Variants in ARHGEF37 observed in about 807,000 individuals in gnomAD.
ARHGEF37 encodes the protein Rho guanine nucleotide exchange factor 37, also known as Rho guanine nucleotide exchange factor (GEF) 37.
Under a neutral mutation model 71.1 loss-of-function variants are expected in ARHGEF37, and 55 were observed. The observed-to-expected ratio is 0.77, with a 90% CI of 0.62 to 0.97. The LOEUF (loss-of-function observed/expected upper bound fraction) is 0.97. ARHGEF37 is among the 50% of genes least tolerant of loss of function. The probability of loss-of-function intolerance (pLI) is 0.00; values close to 1 mark genes in which losing one functional copy is unlikely to be tolerated. For synonymous variants in ARHGEF37, 327 were observed against 350.6 expected (o/e 0.93, Z 0.75); for missense variants, 765 against 836.8 (o/e 0.91, Z 1.06).
At chr5:149,583,840 A>G (rs571666459) in intron 1 of ARHGEF37, among the ~76,000 whole-genome samples, 3 of 152,302 alleles carry the variant, frequency 2.0e-5, no homozygotes, top group African/African-American at 7.2e-5. Context: ...AACTCACTGC[A>G]GCCTCAACCG....
At chr5:149,555,432 G>T (rs1329616745) in intron 1 of ARHGEF37, among the ~76,000 whole-genome samples, 1 of 150,860 alleles carries the variant, frequency 6.6e-6, no homozygotes, top group Non-Finnish European at 1.5e-5. Flanking sequence ...AGCTTCCCCA[G>T]TAGCTAGGAC....
intron 1 of ARHGEF37, among the ~76,000 whole-genome samples, chr5:149,563,114 TC>T (rs1157932843): frequency 6.6e-6 from 1 of 152,302 alleles, no homozygotes; most frequent in East Asian, 1.9e-4. Flanking sequence ...AGTTCCTTGA[TC>T]CAGCTGTCTG....
chr5:149,629,112 C>A, intron 12 of ARHGEF37, 146 bp downstream of exon 12: 1 of 1,101,414 alleles, frequency 9.1e-7, no homozygotes, highest in Non-Finnish European at 1.2e-6. Context: ...ATGGCCATGC[C>A]AGTGTCCCAG....
chr5:149,598,808 ATGTG>A (rs71274355), intron 2 of ARHGEF37, among the ~76,000 whole-genome samples: 1 of 147,758 alleles, frequency 6.8e-6, no homozygotes. Flanking sequence ...AGATATATAT[ATGTG>A]TGTGTGTGTG....
intron 3 of ARHGEF37, among the ~76,000 whole-genome samples, chr5:149,601,525 T>TCATC (rs1162902851): frequency 1.3e-5 from 2 of 152,338 alleles, no homozygotes; most frequent in South Asian, 4.1e-4. Flanking sequence ...TCACATTCAT[T>TCATC]CATCCAACGG....
intron 1 of ARHGEF37, among the ~76,000 whole-genome samples, chr5:149,591,408 A>G (rs1274325874): frequency 6.6e-6 from 1 of 150,730 alleles, no homozygotes; most frequent in African/African-American, 2.4e-5. Context: ...TTAAGAGATG[A>G]GGTCTCTCTC....
At chr5:149,631,476 C>A (rs1481807020) in intron 12 of ARHGEF37, among the ~76,000 whole-genome samples, 2 of 152,132 alleles carry the variant, frequency 1.3e-5, no homozygotes, top group East Asian at 3.9e-4. Context: ...TGGCCCAGTT[C>A]TATACTTTTC....
rs918205731 is a variant in ARHGEF37, at chr5:149,634,703, C to T, written c.*2512C>T. The T allele has an allele frequency of 1.3e-5, 2 of 152,580 alleles. No individual in the cohort carries two copies. The highest frequency in any genetic ancestry group is 2.9e-5 in the Non-Finnish European group (2 of 68,032). 9.5% of individuals were successfully genotyped at this position (152,580 alleles called of 1,614,324 possible). A position where few individuals can be genotyped will look rare whatever the true frequency, so the allele number is the denominator to read the frequency against. The stretch of plus-strand genomic sequence containing the variant: ...GTGTCTTATTTATTTAACCGTTGGG[C>T]TGTCTCATACTAAACTTGCAAAGAT... On this transcript the variant is annotated 3_prime_UTR_variant, in exon 13 of 13. Transcript: ENST00000333677.
At chr5:149,597,070 G>T (rs950620186) in intron 1 of ARHGEF37, among the ~76,000 whole-genome samples, 1 of 152,096 alleles carries the variant, frequency 6.6e-6, no homozygotes, top group Non-Finnish European at 1.5e-5. Flanking sequence ...CCAGGCGATG[G>T]GTAGTAAGGC....
chr5:149,631,935 T>C (rs1215760076), intron 12 of ARHGEF37, 47 bp from the exon 13 acceptor site: 2 of 1,596,558 alleles, frequency 1.3e-6, no homozygotes, highest in African/African-American at 2.7e-5. Context: ...CCAGTCTGTC[T>C]ACCTTCTCAC....
chr5:149,576,554 A>G (rs891019840), upstream of ARHGEF37, among the ~76,000 whole-genome samples: 2 of 152,240 alleles, frequency 1.3e-5, no homozygotes, highest in Admixed American at 1.3e-4. Flanking sequence ...TTTGTCTGTT[A>G]TGTGATAAAC....
chr5:149,623,326 C>G (rs936172044), intron 9 of ARHGEF37, among the ~76,000 whole-genome samples: 1 of 152,208 alleles, frequency 6.6e-6, no homozygotes, highest in Non-Finnish European at 1.5e-5. Context: ...TCTCCTCAAG[C>G]ATGGGGACTG....
intron 12 of ARHGEF37, among the ~76,000 whole-genome samples, chr5:149,630,656 C>T (rs977191519): frequency 6.6e-6 from 1 of 152,162 alleles, no homozygotes; most frequent in Non-Finnish European, 1.5e-5. Context: ...GCCCCGGTGC[C>T]TCTGGGGACA....
chr5:149,628,920 C>G lies in ARHGEF37; in HGVS notation c.1772C>G (p.Pro591Arg). The G allele has an allele frequency of 6.2e-7, 1 of 1,613,198 alleles. No individual in the cohort carries two copies. The highest frequency in any genetic ancestry group is 8.5e-7 in the Non-Finnish European group (1 of 1,179,990). The change falls in exon 12 of 13, where the codon CCG becomes CGG. Residue 591 changes from proline (P) to arginine (R), a missense_variant. Coordinates refer to ENST00000333677, the MANE Select transcript of ARHGEF37 (RefSeq NM_001001669.3). ...GLNKDPRCLT[P>R]EPSPALVPSI... ...AACAAAGACCCCCGATGTCTAACAC[C>G]GGAGCCCAGCCCAGCTCTAGTGCCC...
rs570750342 is a variant in ARHGEF37, at chr5:149,563,946, ATT to A, written c.-12+11848_-12+11849del. 2.0e-3 allele frequency among the ~76,000 whole-genome samples: 250 copies of A among 124,818 alleles called. 1 individual carries two copies. The highest frequency in any genetic ancestry group is 7.6e-3 in the African/African-American group (232 of 30,570). The allele number at this position is 124,818 out of a possible 152,430, so 81.9% of individuals were successfully genotyped here. A position where few individuals can be genotyped will look rare whatever the true frequency, so the allele number is the denominator to read the frequency against. On this transcript the variant is annotated intron_variant, in intron 1 of 2. Transcript: ENST00000505810. The stretch of plus-strand genomic sequence containing the variant: ...CACGCATAGGTAATAATTAGTTTAA[ATT>A]TTTTTTTTTTTTTTTTTTTTTTTTG...
intron 1 of ARHGEF37, among the ~76,000 whole-genome samples, chr5:149,575,721 G>T (rs943217160): frequency 5.6e-5 from 7 of 124,190 alleles, no homozygotes; most frequent in African/African-American, 1.6e-4. Flanking sequence ...TCACTCTGTC[G>T]CCCAGGCTGG....
intron 10 of ARHGEF37, chr5:149,626,843 T>C: frequency 2.6e-6 from 1 of 390,360 alleles, no homozygotes; most frequent in Non-Finnish European, 4.5e-6. Context: ...AGAACTTGAA[T>C]TGGAATTTTA....
chr5:149,623,609 T>C (rs752774602), intron 9 of ARHGEF37, among the ~76,000 whole-genome samples: 1 of 152,112 alleles, frequency 6.6e-6, no homozygotes, highest in Non-Finnish European at 1.5e-5. Flanking sequence ...AAGCAGAAAG[T>C]AAGGGCGCTT....
chr5:149,621,299 A>T (rs1251865972), intron 8 of ARHGEF37, among the ~76,000 whole-genome samples: 3 of 152,128 alleles, frequency 2.0e-5, no homozygotes, highest in Non-Finnish European at 2.9e-5. Flanking sequence ...TCTCTACAAA[A>T]AATAATAATA....
Sources: gnomAD v4.1 joint callset for allele counts (sites outside exome capture counted in the v4.1 genomes callset) on GRCh38, gnomAD v4.1.1 for gene constraint, MANE v1.5 for transcripts, NCBI Gene and HGNC (gene_info 2026-07-23, HGNC 2026-07-21) for gene names.